Variants in RFC1 observed in about 807,000 individuals in gnomAD.
RFC1 encodes A1 140 kDa subunit.
Under a neutral mutation model 137.4 loss-of-function variants are expected in RFC1, and 37 were observed. The observed-to-expected ratio is 0.27, with a 90% CI of 0.21 to 0.35. The LOEUF is 0.35. Among genes scored for constraint, RFC1 ranks in the 10% least tolerant of loss-of-function variants. The pLI, the probability that RFC1 is intolerant of heterozygous loss-of-function variation, is 1.00. For missense variants in RFC1, 1,205 were observed against 1,358.5 expected, an observed-to-expected ratio of 0.89 and a Z score of 1.78; for synonymous variants, 429 against 455.7, an observed-to-expected ratio of 0.94 and a Z score of 0.75.
intron 2 of RFC1, 88 bp downstream of exon 2, chr4:39,351,260 A>G (rs1741182515): frequency 1.2e-5 from 1 of 83,476 alleles, no homozygotes; most frequent in African/African-American, 7.1e-5. Flanking sequence ...CAGGAAAAAA[A>G]AAAAAAAAAA....
chr4:39,305,016 G>A, intron 14 of RFC1, 88 bp from the exon 15 acceptor site: 10 of 774,276 alleles, frequency 1.3e-5, no homozygotes, highest in South Asian at 8.7e-5. Flanking sequence ...AAAGAAAGAA[G>A]GTACAAAATT....
At chr4:39,328,406 G>T (rs1455000553) in intron 4 of RFC1, among the ~76,000 whole-genome samples, 1 of 152,156 alleles carries the variant, frequency 6.6e-6, no homozygotes, top group African/African-American at 2.4e-5. Context: ...ACACTGTCAA[G>T]TTAAATGTTC....
Position 39,297,097 on chromosome 4 carries a change from GTTGT to G in RFC1, c.2809-1342_2809-1339del, listed in dbSNP as rs1465784588. 7.3e-4 allele frequency among the ~76,000 whole-genome samples: 102 copies of G among 140,032 alleles called. 1 individual carries two copies. Among genetic ancestry groups the G allele is most frequent in the Admixed American group, 4.1e-3 (57 of 13,878 alleles). 91.9% of individuals were successfully genotyped at this position (140,032 alleles called of 152,430 possible). On this transcript the variant is annotated intron_variant, in intron 21 of 24. Coordinates refer to ENST00000349703, the MANE Select transcript of RFC1 (RefSeq NM_002913.5). ...TGTCCTTCGCCCACTTTTTGATGGG[GTTGT>G]TTGTTTTTTTCTTGTAAATTTGGTT...
In RFC1 at chr4:39,300,157, C is replaced by T; in HGVS notation, c.2691-19G>A. Reference sequence around the variant, plus strand: ...GTCACCCCTGCAGGAAAGAACCAGTCTGGATTATCCCACTCTCCACACCCC... The same window carrying T: ...GTCACCCCTGCAGGAAAGAACCAGTTTGGATTATCCCACTCTCCACACCCC... On this transcript the variant is annotated intron_variant, in intron 20 of 24. Coordinates refer to ENST00000349703, the MANE Select transcript of RFC1 (RefSeq NM_002913.5). 6.2e-7 allele frequency: 1 copy of T among 1,611,678 alleles called. No individual in the cohort carries two copies. Among genetic ancestry groups the T allele is most frequent in the Non-Finnish European group, 8.5e-7 (1 of 1,177,790 alleles).
At chr4:39,339,953 T>A (rs1188300348) in intron 4 of RFC1, among the ~76,000 whole-genome samples, 3 of 152,184 alleles carry the variant, frequency 2.0e-5, no homozygotes, top group African/African-American at 7.2e-5. Flanking sequence ...GATGTAGGCT[T>A]ATAAGAAAGT....
chr4:39,299,951 A>G (rs1032883366), intron 21 of RFC1, 70 bp downstream of exon 21: 12 of 865,724 alleles, frequency 1.4e-5, no homozygotes, highest in Non-Finnish European at 2.1e-5. Flanking sequence ...AAATAAGTAC[A>G]GCAGCTAAAA....
chr4:39,310,345 G>A (rs1476500880), intron 12 of RFC1, among the ~76,000 whole-genome samples: 5 of 152,132 alleles, frequency 3.3e-5, no homozygotes, highest in African/African-American at 9.7e-5. Flanking sequence ...TGTAAGGTTC[G>A]AAAAATATGT....
At chr4:39,322,215 G>C (rs1352286964) in intron 7 of RFC1, 1 of 152,280 alleles carries the variant, frequency 6.6e-6, no homozygotes, top group East Asian at 1.9e-4. Context: ...AAACCAGCTT[G>C]GGCAACATGG....
At chr4:39,322,692 T>C (rs1052988414) in intron 7 of RFC1, among the ~76,000 whole-genome samples, 1 of 151,702 alleles carries the variant, frequency 6.6e-6, no homozygotes, top group African/African-American at 2.4e-5. Context: ...GGTGGGAGGA[T>C]AGCTTGAGCC....
At chr4:39,313,569 T>C (rs1202196706) in intron 10 of RFC1, among the ~76,000 whole-genome samples, 1 of 152,198 alleles carries the variant, frequency 6.6e-6, no homozygotes, top group Admixed American at 6.5e-5. Flanking sequence ...ACTCATGGAT[T>C]GTACAAGAAC....
chr4:39,333,726 T>C (rs765862746), intron 4 of RFC1, among the ~76,000 whole-genome samples: 1 of 152,162 alleles, frequency 6.6e-6, no homozygotes. Flanking sequence ...CTCTTTACAA[T>C]AGTGGAGGGT....
chr4:39,348,424 AAAAAGAAAAGAAAAG>A (rs201554512), intron 2 of RFC1, among the ~76,000 whole-genome samples: 7,896 of 71,838 alleles, frequency 0.11, 828 homozygotes, highest in African/African-American at 0.2. Flanking sequence ...CTCTGTTTCA[AAAAAGAAAAGAAAAG>A]AAAAGAAAAG....
chr4:39,343,546 A>T (rs1740704177), intron 3 of RFC1, among the ~76,000 whole-genome samples: 1 of 152,170 alleles, frequency 6.6e-6, no homozygotes, highest in Admixed American at 6.5e-5. Flanking sequence ...TACAAAATAG[A>T]TGTTTCATAA....
At chr4:39,321,256 G>A (rs1739505524) in intron 8 of RFC1, 31 bp downstream of exon 8, 1 of 1,492,854 alleles carries the variant, frequency 6.7e-7, no homozygotes, top group East Asian at 2.3e-5. Flanking sequence ...GAAGACAAGT[G>A]CTCCATCTTA....
At chr4:39,291,593 C>A in intron 23 of RFC1, 46 bp downstream of exon 23, 1 of 1,342,792 alleles carries the variant, frequency 7.4e-7, no homozygotes, top group South Asian at 1.2e-5. Flanking sequence ...TCAGTACAAA[C>A]CTGGTAATAG....
Position 39,351,329 on chromosome 4 carries a change from T to C in RFC1, c.132+19A>G, listed in dbSNP as rs749054105. 4.8e-6 allele frequency: 7 copies of C among 1,456,296 alleles called. No individual in the cohort carries two copies. The highest frequency in any genetic ancestry group is 6.4e-6 in the Non-Finnish European group (7 of 1,099,928). The allele number at this position is 1,456,296 out of a possible 1,614,324, so 90.2% of individuals were successfully genotyped here. A position where few individuals can be genotyped will look rare whatever the true frequency, so the allele number is the denominator to read the frequency against. On this transcript the variant is annotated intron_variant, in intron 2 of 24. Coordinates refer to ENST00000349703, the MANE Select transcript of RFC1 (RefSeq NM_002913.5). ...ATTTTACATTTCATTCAATGCAAAA[T>C]TATACCCAGAAAACTAACCTTGATT...
intron 4 of RFC1, among the ~76,000 whole-genome samples, chr4:39,338,427 T>C (rs796956888): frequency 1.2e-4 from 18 of 152,252 alleles, no homozygotes; most frequent in African/African-American, 4.1e-4. Flanking sequence ...GCAATAGAAG[T>C]AAAATGCAAG....
intron 1 of RFC1, among the ~76,000 whole-genome samples, chr4:39,359,778 C>T (rs755030585): frequency 4.7e-5 from 7 of 150,410 alleles, no homozygotes; most frequent in Admixed American, 2.7e-4. Context: ...GCCAAGATTG[C>T]GCCACTGCAC....
intron 4 of RFC1, among the ~76,000 whole-genome samples, chr4:39,332,888 C>T (rs144581009): frequency 0.011 from 1,750 of 152,270 alleles, 18 homozygotes; most frequent in Non-Finnish European, 0.016. Flanking sequence ...GAGGCCAAGA[C>T]GGAAGGATCA....
Sources: allele counts gnomAD v4.1 joint callset (sites outside exome capture counted in the v4.1 genomes callset), GRCh38; gene constraint gnomAD v4.1.1; transcripts MANE v1.5; gene names NCBI Gene and HGNC (gene_info 2026-07-23, HGNC 2026-07-21).